Variants in TTK observed in about 807,000 individuals in gnomAD.
TTK encodes dual specificity protein kinase TTK.
A neutral mutation model predicts 117.3 loss-of-function variants in TTK; 59 were observed. The observed-to-expected ratio is 0.50, with a 90% CI of 0.41 to 0.62. The LOEUF is 0.62. TTK is among the 20% of genes least tolerant of loss of function. The pLI is 0.00. For synonymous variants in TTK, 302 were observed against 325.0 expected, an observed-to-expected ratio of 0.93 and a Z score of 0.76; for missense variants, 921 against 989.4, an observed-to-expected ratio of 0.93 and a Z score of 0.93.
rs1250918401 is a variant in TTK at position 80,035,383 on chromosome 6, T to A, written c.1890T>A (p.Asn630Lys). The part of the protein sequence containing the change: ...DPWERKSYWK[N>K]MLEAVHTIHQ... ...GGGAACGCAAGAGTTACTGGAAAAA[T>A]ATGTTAGAGGCAGTTCACACAATCC... The change falls in exon 16 of 22, where the codon AAT becomes AAA. Residue 630 changes from asparagine (N) to lysine (K), a missense_variant. Physicochemically the swap from Asn to Lys is moderately conservative, Grantham distance 94. Transcript: ENST00000369798. The A allele has an allele frequency of 6.2e-7, 1 of 1,610,780 alleles. No homozygotes were observed.
At chr6:80,006,018 T>C in intron 2 of TTK, 36 bp downstream of exon 2, 1 of 1,589,676 alleles carries the variant, frequency 6.3e-7, no homozygotes, top group East Asian at 2.2e-5. Context: ...AGTAACTGTT[T>C]GTTGGGTATC....
rs747546403 is a variant in TTK, at chr6:80,007,905, T to C, written c.236T>C (p.Leu79Pro). Reference protein sequence around the residue: ...LLKLEKNSVPLSDALLNKLIG... With the variant: ...LLKLEKNSVPPSDALLNKLIG... Reference sequence around the variant, plus strand: ...AAACTAGAGAAAAACAGTGTTCCGCTAAGTGATGCTCTTTTAAATAAATTG... The same window carrying C: ...AAACTAGAGAAAAACAGTGTTCCGCCAAGTGATGCTCTTTTAAATAAATTG... Residue 79 changes from leucine to proline, a missense_variant, in exon 3 of 22, where the codon CTA becomes CCA. Coordinates refer to ENST00000369798, the MANE Select transcript of TTK (RefSeq NM_003318.5). 2 of 1,613,646 alleles carry C rather than the reference T, an allele frequency of 1.2e-6. No homozygotes were observed. The highest frequency in any genetic ancestry group is 1.7e-6 in the Non-Finnish European group (2 of 1,179,658).
intron 10 of TTK, among the ~76,000 whole-genome samples, chr6:80,016,719 A>T (rs1177798085): frequency 5.3e-5 from 8 of 152,174 alleles, no homozygotes; most frequent in Non-Finnish European, 7.4e-5. Flanking sequence ...AAATGCAAGA[A>T]CGATTAACAA....
chr6:80,030,899 T>C (rs1442497208), intron 13 of TTK, among the ~76,000 whole-genome samples: 1 of 151,898 alleles, frequency 6.6e-6, no homozygotes, highest in Non-Finnish European at 1.5e-5. Context: ...AATACAGATA[T>C]AGCCGGATGG....
intron 10 of TTK, among the ~76,000 whole-genome samples, chr6:80,016,023 A>T (rs1172319717): frequency 1.3e-5 from 2 of 152,130 alleles, no homozygotes; most frequent in Non-Finnish European, 2.9e-5. Flanking sequence ...GTATTTGCTT[A>T]CTCACTGTTG....
intron 2 of TTK, among the ~76,000 whole-genome samples, chr6:80,007,471 G>A (rs1767022843): frequency 6.6e-6 from 1 of 151,914 alleles, no homozygotes; most frequent in Non-Finnish European, 1.5e-5. Flanking sequence ...TGGATAGGTA[G>A]GATGCTAAAA....
chr6:80,020,385 C>G (rs1767426654), intron 10 of TTK, among the ~76,000 whole-genome samples: 1 of 151,864 alleles, frequency 6.6e-6, no homozygotes. Context: ...ACTGGCTGAC[C>G]TGTATAAGAA....
rs749394478 is a variant in TTK, at chr6:80,026,524, T to C, written c.1394+10T>C. On this transcript the variant is annotated intron_variant, in intron 12 of 21. Coordinates refer to ENST00000369798, the MANE Select transcript of TTK (RefSeq NM_003318.5). Reference sequence around the variant, plus strand: ...ATGATTACATGAGCTGGTAATTACTTTGGCCCCTTGCTTGATTGGCAGGGT... The same window carrying C: ...ATGATTACATGAGCTGGTAATTACTCTGGCCCCTTGCTTGATTGGCAGGGT... 6.2e-7 allele frequency: 1 copy of C among 1,612,982 alleles called. No individual in the cohort carries two copies. Among genetic ancestry groups the C allele is most frequent in the African/African-American group, 1.3e-5 (1 of 75,024 alleles).
chr6:80,041,660 G>A (rs1768052057), intron 21 of TTK, among the ~76,000 whole-genome samples: 1 of 151,126 alleles, frequency 6.6e-6, no homozygotes, highest in African/African-American at 2.4e-5. Context: ...TGTTAGCTGA[G>A]TCTTAAATCA....
chr6:80,005,213 G>A (rs960945465), intron 1 of TTK, among the ~76,000 whole-genome samples: 2 of 152,120 alleles, frequency 1.3e-5, no homozygotes, highest in African/African-American at 2.4e-5. Flanking sequence ...TTAACAATAA[G>A]ACTGCAGACA....
intron 11 of TTK, among the ~76,000 whole-genome samples, chr6:80,025,578 C>T (rs764450486): frequency 1.9e-4 from 29 of 152,164 alleles, no homozygotes; most frequent in Non-Finnish European, 4.1e-4. Flanking sequence ...TGTGCTACAG[C>T]AGGGGTTAGC....
chr6:80,005,780 G>C (rs1260773538), intron 1 of TTK, 62 bp from the exon 2 acceptor site: 1 of 1,569,026 alleles, frequency 6.4e-7, no homozygotes, highest in Non-Finnish European at 8.6e-7. Context: ...TAAAAAGCTA[G>C]TGCATTTTTT....
chr6:80,026,537 T>C (rs770975730), intron 12 of TTK, 23 bp downstream of exon 12: 25 of 1,612,082 alleles, frequency 1.6e-5, no homozygotes, highest in Admixed American at 1.5e-4. Flanking sequence ...GCCCCTTGCT[T>C]GATTGGCAGG....
intron 10 of TTK, 50 bp downstream of exon 10, chr6:80,014,636 T>C (rs1235788514): frequency 6.6e-7 from 1 of 1,522,046 alleles, no homozygotes; most frequent in African/African-American, 1.4e-5. Context: ...AGAAAACCAC[T>C]TGATAGCTTA....
intron 11 of TTK, 100 bp downstream of exon 11, chr6:80,022,572 A>C: frequency 7.9e-7 from 1 of 1,270,498 alleles, no homozygotes; most frequent in Non-Finnish European, 1.1e-6. Context: ...AATGTGTATG[A>C]TATTTAGTAG....
At position 80,024,822 on chromosome 6, in the gene TTK, A is replaced by G. The variant is rs577781573; in HGVS notation, c.1258-1556A>G. 2.0e-5 allele frequency among the ~76,000 whole-genome samples: 3 copies of G among 152,292 alleles called. No individual in the cohort carries two copies. In the South Asian group the frequency reaches 6.2e-4, roughly 32 times the overall value. On this transcript the variant is annotated intron_variant, in intron 11 of 21. Transcript: ENST00000369798. Reference sequence around the variant, plus strand: ...CAAGGGAGGATTGTTTTTGTCTCACATCTCACTTACCATATGGCTGTGTGC... The same window carrying G: ...CAAGGGAGGATTGTTTTTGTCTCACGTCTCACTTACCATATGGCTGTGTGC...
At chr6:80,014,094 T>TA (rs1582092148) in intron 9 of TTK, among the ~76,000 whole-genome samples, 2 of 152,186 alleles carry the variant, frequency 1.3e-5, no homozygotes, top group East Asian at 3.8e-4. Context: ...AGTTTTGACT[T>TA]ATTTTTGGTG....
In TTK at chr6:80,039,825, A is replaced by G; in HGVS notation, c.2260A>G (p.Ile754Val). Reference protein sequence around the residue: ...LHAIIDPNHEIEFPDIPEKDL... With the variant: ...LHAIIDPNHEVEFPDIPEKDL... ...TGCCATAATTGATCCTAATCATGAA[A>G]TTGAATTTCCCGATATTCCAGAGAA... Residue 754 changes from isoleucine (I) to valine (V), a missense_variant, in exon 19 of 22, where the codon ATT becomes GTT. Physicochemically the swap from Ile to Val is conservative, Grantham distance 29. Transcript: ENST00000369798. The G allele has an allele frequency of 6.3e-7, 1 of 1,588,524 alleles. No homozygotes were observed. The highest frequency in any genetic ancestry group is 8.6e-7 in the Non-Finnish European group (1 of 1,169,376).
At chr6:80,008,994 TAAA>T (rs1377151647) in intron 4 of TTK, among the ~76,000 whole-genome samples, 2 of 147,056 alleles carry the variant, frequency 1.4e-5, no homozygotes, top group Non-Finnish European at 3.0e-5. Context: ...TTCTTTAAAA[TAAA>T]AAAGTAAACT....
Sources: allele counts gnomAD v4.1 joint callset (sites outside exome capture counted in the v4.1 genomes callset), GRCh38; gene constraint gnomAD v4.1.1; transcripts MANE v1.5; gene names NCBI Gene and HGNC (gene_info 2026-07-23, HGNC 2026-07-21).